The following RAB3GAP1 variants were observed in gnomAD, a reference collection of about 807,000 sequenced individuals.
RAB3GAP1 encodes rab3 GTPase-activating protein catalytic subunit.
Under a neutral mutation model 130.7 loss-of-function variants are expected in RAB3GAP1, and 86 were observed. The ratio of observed to expected loss-of-function variants is 0.66; its 90% CI spans 0.55 to 0.79. The LOEUF (loss-of-function observed/expected upper bound fraction) is 0.79. RAB3GAP1 is among the 30% of genes least tolerant of loss of function. The pLI is 0.00. For missense variants in RAB3GAP1, 1,029 were observed against 1,169.4 expected, an observed-to-expected ratio of 0.88 and a Z score of 1.75; for synonymous variants, 367 against 401.7, an observed-to-expected ratio of 0.91 and a Z score of 1.03.
chr2:135,135,554 T>G lies in RAB3GAP1; in HGVS notation c.1555-10T>G, dbSNP rs377614353. The G allele has an allele frequency of 6.3e-7, 1 of 1,585,682 alleles. No individual in the cohort carries two copies. The highest frequency in any genetic ancestry group is 1.4e-5 in the African/African-American group (1 of 73,686). ...AATTCAACTATAAATGTTATTTCTCTTTTCTTAAGATGTTAAATTGTTGTA... is the reference window on the plus strand; with the variant it reads ...AATTCAACTATAAATGTTATTTCTCGTTTCTTAAGATGTTAAATTGTTGTA... On this transcript the variant is annotated splice_polypyrimidine_tract_variant and intron_variant, in intron 16 of 23. Transcript: ENST00000264158.
chr2:135,067,508 G>A (rs961908620), intron 3 of RAB3GAP1, among the ~76,000 whole-genome samples: 5 of 152,094 alleles, frequency 3.3e-5, no homozygotes, highest in African/African-American at 1.2e-4. Flanking sequence ...TGGAAGTTTT[G>A]GGAATCTTGC....
At chr2:135,112,834 T>TCTCACA (rs952841554) in intron 5 of RAB3GAP1, among the ~76,000 whole-genome samples, 103 of 132,472 alleles carry the variant, frequency 7.8e-4, no homozygotes, top group South Asian at 3.0e-3. Context: ...TCTCTCTCTC[T>TCTCACA]CACACACACA....
chr2:135,174,853 CTCCTCTGTGGCTGTGGCTGT>C (rs1337575679), downstream of RAB3GAP1, among the ~76,000 whole-genome samples: 2 of 152,204 alleles, frequency 1.3e-5, no homozygotes, highest in Non-Finnish European at 2.9e-5. Flanking sequence ...GAGGCCCAGC[CTCCTCTGTGGCTGTGGCTGT>C]GGCTGAGTCC....
chr2:135,105,950 G>A (rs1352765552), intron 5 of RAB3GAP1, among the ~76,000 whole-genome samples: 5 of 150,460 alleles, frequency 3.3e-5, no homozygotes, highest in Admixed American at 3.3e-4. Flanking sequence ...GAGCCCCTCC[G>A]CTCGGCAGCC....
At chr2:135,099,880 CAG>C (rs1690404689) in intron 5 of RAB3GAP1, among the ~76,000 whole-genome samples, 2 of 151,932 alleles carry the variant, frequency 1.3e-5, no homozygotes, top group Admixed American at 1.3e-4. Flanking sequence ...ATAAAGGATA[CAG>C]AAGGAAGCTT....
Position 135,058,061 on chromosome 2 carries a change from A to C in RAB3GAP1, c.125A>C (p.Asn42Thr), listed in dbSNP as rs780252941. The change falls in exon 3 of 24, where the codon AAC (asparagine) becomes ACC (threonine). Residue 42 changes from asparagine to threonine, a missense_variant. Asn to Thr is a moderately conservative substitution (Grantham distance 65, BLOSUM62 0). Transcript: ENST00000264158. ...EVLNDWKLIGNSLGKPLEKGI... is the reference protein window; with the variant it reads ...EVLNDWKLIGTSLGKPLEKGI... ...TTGAATGACTGGAAACTGATTGGAA[A>C]CTCTTTGGGAAAGCCACTCGAAAAG... The C allele has an allele frequency of 8.1e-6, 13 of 1,612,234 alleles. No homozygotes were observed. The highest frequency in any genetic ancestry group is 1.1e-5 in the Non-Finnish European group (13 of 1,178,910).
chr2:135,117,615 GCTTCTGCTT>G (rs1691043936), intron 7 of RAB3GAP1, among the ~76,000 whole-genome samples: 2 of 24,998 alleles, frequency 8.0e-5, no homozygotes, highest in South Asian at 1.3e-3. Context: ...TGCTTCTTCT[GCTTCTGCTT>G]CTTCTGCTTC....
chr2:135,078,712 T>C lies in RAB3GAP1; in HGVS notation c.151-12286T>C, dbSNP rs867385725. Among the ~76,000 whole-genome samples the C allele has an allele frequency of 4.2e-4, 42 of 100,698 alleles. 2 individuals are homozygous for C. Among genetic ancestry groups the C allele is most frequent in the African/African-American group, 1.5e-3 (37 of 24,242 alleles). 66.1% of individuals were successfully genotyped at this position (100,698 alleles called of 152,430 possible). A position where few individuals can be genotyped will look rare whatever the true frequency, so the allele number is the denominator to read the frequency against. On this transcript the variant is annotated intron_variant, in intron 3 of 23. Coordinates refer to ENST00000264158, the MANE Select transcript of RAB3GAP1 (RefSeq NM_012233.3). Reference sequence around the variant, plus strand: ...CCCCTGCCCTCCCCTCCCCTCTCCTTTCCTTTCCTTTTGACAGAGTGTTGC... The same window carrying C: ...CCCCTGCCCTCCCCTCCCCTCTCCTCTCCTTTCCTTTTGACAGAGTGTTGC...
At chr2:135,059,435 C>T (rs1689107986) in intron 3 of RAB3GAP1, among the ~76,000 whole-genome samples, 1 of 152,072 alleles carries the variant, frequency 6.6e-6, no homozygotes, top group African/African-American at 2.4e-5. Context: ...AAGATAAGAT[C>T]AGTGTTGCCA....
At chr2:135,085,537 A>G (rs934452169) in intron 3 of RAB3GAP1, among the ~76,000 whole-genome samples, 1 of 152,194 alleles carries the variant, frequency 6.6e-6, no homozygotes, top group African/African-American at 2.4e-5. Context: ...TTGGCCCTCC[A>G]AAGTTATGGC....
chr2:135,087,139 A>G (rs918583458), intron 3 of RAB3GAP1, among the ~76,000 whole-genome samples: 3 of 152,202 alleles, frequency 2.0e-5, no homozygotes, highest in African/African-American at 7.2e-5. Flanking sequence ...TTCCATGTGA[A>G]TATTTAATTA....
At chr2:135,086,661 CTTTTTTTTTTTTT>C (rs59270938) in intron 3 of RAB3GAP1, among the ~76,000 whole-genome samples, 5 of 65,068 alleles carry the variant, frequency 7.7e-5, no homozygotes, top group African/African-American at 1.3e-4. Flanking sequence ...TTCCCCTAAT[CTTTTTTTTTTTTT>C]TTTTTTTTTT....
In RAB3GAP1 at chr2:135,133,960, G is replaced by A; in HGVS notation, c.1426G>A (p.Gly476Arg). ...MINFYHGGLKGVAHLWQEFVL... is the reference protein window; with the variant it reads ...MINFYHGGLKRVAHLWQEFVL... ...CAATTTTTACCATGGAGGGTTGAAA[G>A]GAGTGGCACACCTCTGGCAGGAATT... is the stretch of plus-strand genomic sequence containing the variant. Residue 476 changes from glycine to arginine, a missense_variant, in exon 15 of 24, where the codon GGA (glycine) becomes AGA (arginine). Gly to Arg is a moderately radical substitution (Grantham distance 125, BLOSUM62 -2). Coordinates refer to ENST00000264158, the MANE Select transcript of RAB3GAP1 (RefSeq NM_012233.3). 6.2e-7 allele frequency: 1 copy of A among 1,613,924 alleles called. No homozygotes were observed. Among genetic ancestry groups the A allele is most frequent in the Non-Finnish European group, 8.5e-7 (1 of 1,179,836 alleles).
intron 5 of RAB3GAP1, among the ~76,000 whole-genome samples, chr2:135,096,055 C>T (rs1344163592): frequency 6.6e-6 from 1 of 152,204 alleles, no homozygotes; most frequent in African/African-American, 2.4e-5. Flanking sequence ...AACTTACCTT[C>T]CACAGATAAG....
At chr2:135,124,838 G>A (rs1010481481) in intron 9 of RAB3GAP1, among the ~76,000 whole-genome samples, 14 of 151,840 alleles carry the variant, frequency 9.2e-5, no homozygotes, top group African/African-American at 2.9e-4. Flanking sequence ...ATTTTTAAAG[G>A]TTATGAAAGA....
At chr2:135,112,448 T>A (rs1242703668) in intron 5 of RAB3GAP1, among the ~76,000 whole-genome samples, 2 of 152,188 alleles carry the variant, frequency 1.3e-5, no homozygotes, top group Non-Finnish European at 2.9e-5. Context: ...CTGCACTGGA[T>A]GAAGCAATGA....
chr2:135,052,330 T>C lies in RAB3GAP1; in HGVS notation c.18+5T>C, dbSNP rs754003213. 8 of 1,614,058 alleles carry C rather than the reference T, an allele frequency of 5.0e-6. No homozygotes were observed. Among genetic ancestry groups the C allele is most frequent in the Non-Finnish European group, 8.5e-7 (1 of 1,180,010 alleles). ...AAGATGGCTGCCGACAGTGAGGTGATTTCTTTGCTCCCTACTTAATCCTTG... is the reference window on the plus strand; with the variant it reads ...AAGATGGCTGCCGACAGTGAGGTGACTTCTTTGCTCCCTACTTAATCCTTG... On this transcript the variant is annotated splice_donor_5th_base_variant and intron_variant, in intron 1 of 23. Transcript: ENST00000264158.
intron 3 of RAB3GAP1, among the ~76,000 whole-genome samples, chr2:135,064,755 G>GTTTTT (rs746093269): frequency 9.5e-6 from 1 of 104,960 alleles, no homozygotes; most frequent in Non-Finnish European, 2.1e-5. Context: ...GAGGTGTTTT[G>GTTTTT]TTTTTTTTTT....
At chr2:135,110,500 G>C (rs930611639) in intron 5 of RAB3GAP1, among the ~76,000 whole-genome samples, 3 of 152,180 alleles carry the variant, frequency 2.0e-5, no homozygotes, top group African/African-American at 7.2e-5. Context: ...TGGATGGGGG[G>C]AGACATTTTA....
Sources: gnomAD v4.1 joint callset for allele counts (sites outside exome capture counted in the v4.1 genomes callset) on GRCh38, gnomAD v4.1.1 for gene constraint, MANE v1.5 for transcripts, NCBI Gene and HGNC (gene_info 2026-07-23, HGNC 2026-07-21) for gene names.